POU6F2: variants seen among roughly 807,000 people sequenced by gnomAD.
POU6F2 encodes the protein POU domain, class 6, transcription factor 2.
Under a neutral mutation model 71.3 loss-of-function variants are expected in POU6F2, and 31 were observed. That is an observed-to-expected ratio of 0.43 (90% CI 0.33 to 0.59). POU6F2 has a LOEUF of 0.59. POU6F2 is among the 20% of genes least tolerant of loss of function. The pLI, the probability that POU6F2 is intolerant of heterozygous loss-of-function variation, is 0.04. For missense variants in POU6F2, 783 were observed against 856.8 expected (o/e 0.91, Z 1.07); for synonymous variants, 347 against 355.7 (o/e 0.98, Z 0.27).
chr7:39,430,685 T>C (rs1788079776), intron 6 of POU6F2, among the ~76,000 whole-genome samples: 1 of 152,188 alleles, frequency 6.6e-6, no homozygotes, highest in South Asian at 2.1e-4. Flanking sequence ...TCTGTAACTG[T>C]CATGTGCTGT....
intron 1 of POU6F2, among the ~76,000 whole-genome samples, chr7:39,012,821 C>T (rs1363058057): frequency 8.8e-4 from 134 of 151,684 alleles, no homozygotes; most frequent in Non-Finnish European, 1.5e-5. Flanking sequence ...GGGGGTGCCT[C>T]CCAGTTAGGC....
rs1435650041 is a variant in POU6F2, at chr7:39,152,056, A to G, written c.278-52179A>G. 8.5e-5 allele frequency among the ~76,000 whole-genome samples: 13 copies of G among 152,290 alleles called. 1 individual carries two copies. In the South Asian group the frequency reaches 2.5e-3, roughly 29 times the overall value. ...GCCAAGGACATTGTCCACACTGCCTATTTATGCTTGTATACTCATGCAGTG... is the reference window on the plus strand; with the variant it reads ...GCCAAGGACATTGTCCACACTGCCTGTTTATGCTTGTATACTCATGCAGTG... On this transcript the variant is annotated intron_variant, in intron 2 of 9. Coordinates refer to ENST00000518318, the MANE Select transcript of POU6F2 (RefSeq NM_001370959.1).
In POU6F2 at chr7:39,111,649, A is replaced by G. The variant is rs1057363487; in HGVS notation, c.277+25618A>G. ...TAGATATAGAGATATAGGCAGACAG[A>G]CAAAATGACATTGCATGGTCTTCAG... On this transcript the variant is annotated intron_variant, in intron 2 of 9. Transcript: ENST00000518318. 2.6e-5 allele frequency among the ~76,000 whole-genome samples: 4 copies of G among 152,238 alleles called. No homozygotes were observed. The South Asian group carries it at 8.3e-4, about 31-fold the overall frequency.
chr7:39,090,014 A>AC (rs1791332282), intron 2 of POU6F2, among the ~76,000 whole-genome samples: 4 of 152,004 alleles, frequency 2.6e-5, no homozygotes, highest in Non-Finnish European at 5.9e-5. Flanking sequence ...CCTTGAGCTG[A>AC]GATGGAACTG....
At chr7:39,462,719 G>T (rs1788978331) in intron 9 of POU6F2, among the ~76,000 whole-genome samples, 1 of 152,194 alleles carries the variant, frequency 6.6e-6, no homozygotes, top group South Asian at 2.1e-4. Context: ...TAAATGATCA[G>T]TTCACTCTGT....
chr7:39,136,149 A>G (rs1792384343), intron 2 of POU6F2, among the ~76,000 whole-genome samples: 1 of 152,256 alleles, frequency 6.6e-6, no homozygotes. Flanking sequence ...GTAAAATAAT[A>G]TGATGTTACT....
chr7:39,139,949 T>C (rs1381630144), intron 2 of POU6F2, among the ~76,000 whole-genome samples: 3 of 152,226 alleles, frequency 2.0e-5, no homozygotes, highest in Non-Finnish European at 2.9e-5. Flanking sequence ...CAATGCCATT[T>C]TTATAGCATT....
chr7:39,247,485 A>G (rs1168061046), intron 4 of POU6F2, among the ~76,000 whole-genome samples: 3 of 136,554 alleles, frequency 2.2e-5, no homozygotes, highest in Non-Finnish European at 4.7e-5. Context: ...AAGAAGAAAG[A>G]AAGAAAGAGA....
chr7:39,086,102 C>T, intron 2 of POU6F2, 71 bp downstream of exon 2: 1 of 1,443,626 alleles, frequency 6.9e-7, no homozygotes, highest in Admixed American at 2.1e-5. Flanking sequence ...CCCCCCAACC[C>T]CCCCTTTTTT....
At chr7:39,087,967 G>T (rs992709560) in intron 2 of POU6F2, among the ~76,000 whole-genome samples, 1 of 152,098 alleles carries the variant, frequency 6.6e-6, no homozygotes, top group Non-Finnish European at 1.5e-5. Context: ...AAGTTTAATG[G>T]CATTTACTAA....
At chr7:39,443,335 G>T (rs1399999810) in intron 7 of POU6F2, among the ~76,000 whole-genome samples, 1 of 152,146 alleles carries the variant, frequency 6.6e-6, no homozygotes. Flanking sequence ...ACACATATGT[G>T]CACCTCTCAG....
chr7:39,360,303 C>G (rs1350340966), intron 5 of POU6F2, among the ~76,000 whole-genome samples: 2 of 152,126 alleles, frequency 1.3e-5, no homozygotes, highest in Admixed American at 1.3e-4. Flanking sequence ...TACTAGTTAA[C>G]TTGGTGTTAG....
At position 39,451,615 on chromosome 7, in the gene POU6F2, T is replaced by C. The variant is rs372113314; in HGVS notation, c.1403T>C (p.Met468Thr). The C allele has an allele frequency of 1.1e-5, 17 of 1,613,582 alleles. No homozygotes were observed. The African/African-American group carries it at 2.1e-4, about 20-fold the overall frequency. Reference protein sequence around the residue: ...LLHLAHSQASMSQSPVRQASS... With the variant: ...LLHLAHSQASTSQSPVRQASS... The stretch of plus-strand genomic sequence containing the variant: ...CACCTGGCTCACAGCCAAGCATCCA[T>C]GTCTCAAAGTCCCGTCCGGCAGGCT... Residue 468 changes from methionine (M) to threonine (T), a missense_variant, in exon 8 of 10, where the codon ATG (methionine) becomes ACG (threonine). Met to Thr is a moderately conservative substitution (Grantham distance 81). Transcript: ENST00000518318.
chr7:39,021,349 G>A (rs1188169686), intron 1 of POU6F2, among the ~76,000 whole-genome samples: 1 of 151,376 alleles, frequency 6.6e-6, no homozygotes, highest in African/African-American at 2.4e-5. Context: ...ATTAATTTTT[G>A]TAGCAAACAT....
intron 4 of POU6F2, among the ~76,000 whole-genome samples, chr7:39,238,154 C>T (rs929848093): frequency 6.6e-5 from 10 of 152,182 alleles, no homozygotes; most frequent in African/African-American, 2.4e-4. Flanking sequence ...GGATTCAAAT[C>T]ACCAGTTACA....
intron 2 of POU6F2, among the ~76,000 whole-genome samples, chr7:39,119,148 C>A (rs952791468): frequency 6.6e-6 from 1 of 152,112 alleles, no homozygotes; most frequent in Non-Finnish European, 1.5e-5. Context: ...GGAGGGAATT[C>A]CCAGCCACAC....
intron 7 of POU6F2, among the ~76,000 whole-genome samples, chr7:39,437,709 T>C (rs1389005247): frequency 6.6e-6 from 1 of 152,196 alleles, no homozygotes; most frequent in Admixed American, 6.5e-5. Flanking sequence ...TTAATTGTGA[T>C]GTTAGGGTGT....
chr7:39,373,894 G>T (rs2115764413), intron 5 of POU6F2, among the ~76,000 whole-genome samples: 1 of 151,946 alleles, frequency 6.6e-6, no homozygotes, highest in South Asian at 2.1e-4. Context: ...TTTTTTCAAA[G>T]AAATAATGGA....
At chr7:39,227,910 G>A (rs1189550108) in intron 4 of POU6F2, among the ~76,000 whole-genome samples, 1 of 152,164 alleles carries the variant, frequency 6.6e-6, no homozygotes, top group Non-Finnish European at 1.5e-5. Flanking sequence ...AGCCAGGGTT[G>A]AGACCACAGC....
Sources: gnomAD v4.1 joint callset for allele counts (sites outside exome capture counted in the v4.1 genomes callset) on GRCh38, gnomAD v4.1.1 for gene constraint, MANE v1.5 for transcripts, NCBI Gene and HGNC (gene_info 2026-07-23, HGNC 2026-07-21) for gene names.